The following SHISA9 variants were observed in gnomAD, a reference collection of about 807,000 sequenced individuals.
The protein encoded by SHISA9 is protein shisa-9.
SHISA9 carries 13 observed loss-of-function variants against 38.0 expected under a neutral mutation model. The ratio of observed to expected loss-of-function variants is 0.34; its 90% CI spans 0.22 to 0.54. The LOEUF is 0.54. Ranked by LOEUF, SHISA9 falls within the 20% of genes least tolerant of loss-of-function variation. The probability of loss-of-function intolerance (pLI) is 0.91; values close to 1 mark genes in which losing one functional copy is unlikely to be tolerated. For synonymous variants in SHISA9, 275 were observed against 242.0 expected, an observed-to-expected ratio of 1.14 and a Z score of -1.27; for missense variants, 538 against 575.8, an observed-to-expected ratio of 0.93 and a Z score of 0.67.
At chr16:13,470,931 G>C in the SHISA9 span, among the ~76,000 whole-genome samples, 1 of 152,026 alleles carries the variant, frequency 6.6e-6, no homozygotes, top group Non-Finnish European at 1.5e-5. Flanking sequence ...TTTGCTGAGA[G>C]AAGATTTCAA....
intron 4 of SHISA9, among the ~76,000 whole-genome samples, chr16:13,226,666 G>C (rs527297880): frequency 1.3e-5 from 2 of 152,326 alleles, no homozygotes; most frequent in Admixed American, 6.5e-5. Context: ...AGAAGTTCTT[G>C]TTTGGGCTGG....
chr16:12,947,584 G>A (rs2071703860), intron 2 of SHISA9, among the ~76,000 whole-genome samples: 1 of 152,206 alleles, frequency 6.6e-6, no homozygotes, highest in Admixed American at 6.5e-5. Context: ...AGCTTGGGGA[G>A]ACATCACGTG....
intron 2 of SHISA9, among the ~76,000 whole-genome samples, chr16:13,030,471 C>G (rs2072977621): frequency 6.6e-6 from 1 of 152,164 alleles, no homozygotes; most frequent in South Asian, 2.1e-4. Flanking sequence ...CCCATTAATG[C>G]TAGATTGGCT....
the SHISA9 span, among the ~76,000 whole-genome samples, chr16:13,323,441 TG>T: frequency 6.6e-6 from 1 of 152,198 alleles, no homozygotes; most frequent in Non-Finnish European, 1.5e-5. Flanking sequence ...TTTGGATGTT[TG>T]TCCCCCTTCA....
the SHISA9 span, among the ~76,000 whole-genome samples, chr16:13,556,325 G>A: frequency 3.9e-5 from 6 of 152,144 alleles, no homozygotes; most frequent in Admixed American, 1.3e-4. Flanking sequence ...GCCAGGATTC[G>A]TTGGAATTTG....
the SHISA9 span, among the ~76,000 whole-genome samples, chr16:13,434,793 G>T: frequency 4.6e-5 from 7 of 152,130 alleles, no homozygotes; most frequent in African/African-American, 1.7e-4. Flanking sequence ...ACGAATAAAT[G>T]AATAGGAGAG....
chr16:13,427,380 C>T, the SHISA9 span, among the ~76,000 whole-genome samples: 1 of 152,188 alleles, frequency 6.6e-6, no homozygotes, highest in East Asian at 1.9e-4. Context: ...ACTCTTCACC[C>T]TCTCTGTTAC....
chr16:13,340,291 T>G, the SHISA9 span, among the ~76,000 whole-genome samples: 1 of 152,206 alleles, frequency 6.6e-6, no homozygotes, highest in African/African-American at 2.4e-5. Context: ...TTCCCAAAAT[T>G]CTTTGCCTTT....
chr16:13,189,597 T>C (rs527586997), intron 2 of SHISA9, among the ~76,000 whole-genome samples: 57 of 152,230 alleles, frequency 3.7e-4, no homozygotes, highest in Non-Finnish European at 6.9e-4. Context: ...GACTTTTGTC[T>C]GAGTTAGCCT....
chr16:12,901,893 G>C lies in SHISA9; in HGVS notation c.-172G>C, dbSNP rs2071020132. Reference sequence around the variant, plus strand: ...GCGGGCTGAGGCGAACGCGGGCTGAGCCGAGCGCAGTGGCCGCCGACCACC... The same window carrying C: ...GCGGGCTGAGGCGAACGCGGGCTGACCCGAGCGCAGTGGCCGCCGACCACC... On this transcript the variant is annotated 5_prime_UTR_variant, in exon 1 of 5. Transcript: ENST00000558583. The C allele has an allele frequency of 3.4e-6, 1 of 291,490 alleles. No individual in the cohort carries two copies. Among genetic ancestry groups the C allele is most frequent in the Non-Finnish European group, 5.8e-6 (1 of 172,896 alleles). The allele number at this position is 291,490 out of a possible 1,614,324, so 18.1% of individuals were successfully genotyped here.
chr16:13,507,418 T>A, the SHISA9 span, among the ~76,000 whole-genome samples: 3 of 152,104 alleles, frequency 2.0e-5, no homozygotes, highest in African/African-American at 7.2e-5. Flanking sequence ...CTTTTCTTTC[T>A]TTTAGTGGTA....
At chr16:13,086,842 T>C (rs1194142051) in intron 2 of SHISA9, among the ~76,000 whole-genome samples, 1 of 139,768 alleles carries the variant, frequency 7.2e-6, no homozygotes, top group Non-Finnish European at 1.5e-5. Flanking sequence ...ATTTATTTCA[T>C]CTGTTTTCTT....
the SHISA9 span, among the ~76,000 whole-genome samples, chr16:13,513,460 C>T: frequency 6.6e-6 from 1 of 152,178 alleles, no homozygotes; most frequent in African/African-American, 2.4e-5. Flanking sequence ...ACCAGAAATA[C>T]CATTGACCCA....
chr16:13,396,737 G>T, the SHISA9 span, among the ~76,000 whole-genome samples: 1 of 152,118 alleles, frequency 6.6e-6, no homozygotes, highest in African/African-American at 2.4e-5. Context: ...TCCCTTTCTT[G>T]TGACTCCATC....
chr16:12,919,334 G>A (rs188339666), intron 2 of SHISA9, among the ~76,000 whole-genome samples: 2 of 152,218 alleles, frequency 1.3e-5, no homozygotes, highest in Admixed American at 1.3e-4. Flanking sequence ...AAAGAATGAT[G>A]CATCTATTTG....
At chr16:13,141,460 G>C (rs2050401029) in intron 2 of SHISA9, among the ~76,000 whole-genome samples, 1 of 152,062 alleles carries the variant, frequency 6.6e-6, no homozygotes, top group African/African-American at 2.4e-5. Context: ...GCCAAGGCAA[G>C]CAGATCATGA....
the SHISA9 span, among the ~76,000 whole-genome samples, chr16:13,501,195 G>C: frequency 6.6e-6 from 1 of 152,114 alleles, no homozygotes; most frequent in Non-Finnish European, 1.5e-5. Context: ...ACAAATTGAG[G>C]GTAGGGGGAA....
At chr16:13,146,910 A>G (rs1370198758) in intron 2 of SHISA9, among the ~76,000 whole-genome samples, 1 of 152,228 alleles carries the variant, frequency 6.6e-6, no homozygotes, top group African/African-American at 2.4e-5. Flanking sequence ...ATTTTAGTTT[A>G]TAAGCTTTAT....
At chr16:13,398,446 G>A in the SHISA9 span, among the ~76,000 whole-genome samples, 14 of 151,588 alleles carry the variant, frequency 9.2e-5, no homozygotes, top group South Asian at 1.2e-3. Context: ...TTACTTATTC[G>A]TCTTCCACTT....
Sources: gnomAD v4.1 joint callset for allele counts (sites outside exome capture counted in the v4.1 genomes callset) on GRCh38, gnomAD v4.1.1 for gene constraint, MANE v1.5 for transcripts, NCBI Gene and HGNC (gene_info 2026-07-23, HGNC 2026-07-21) for gene names.